The following RNLS variants were observed in gnomAD, a reference collection of about 807,000 sequenced individuals.
The protein encoded by RNLS is renalase.
In RNLS, 39 loss-of-function variants were observed where a neutral mutation model predicts 39.8. That is an observed-to-expected ratio of 0.98 (90% CI 0.76 to 1.28). The LOEUF is 1.28. RNLS is among the 50% of genes most tolerant of loss of function. The probability of loss-of-function intolerance (pLI) is 0.00; values close to 1 mark genes in which losing one functional copy is unlikely to be tolerated. For synonymous variants in RNLS, 147 were observed against 150.7 expected, an observed-to-expected ratio of 0.98 and a Z score of 0.18; for missense variants, 410 against 413.3, an observed-to-expected ratio of 0.99 and a Z score of 0.07.
At chr10:88,424,052 T>C (rs1206320565) in intron 4 of RNLS, among the ~76,000 whole-genome samples, 1 of 152,182 alleles carries the variant, frequency 6.6e-6, no homozygotes, top group Non-Finnish European at 1.5e-5. Context: ...CCCCCTGCCC[T>C]CCCTTACCCT....
chr10:88,420,517 C>G (rs1488308867), intron 4 of RNLS, among the ~76,000 whole-genome samples: 1 of 152,184 alleles, frequency 6.6e-6, no homozygotes, highest in African/African-American at 2.4e-5. Context: ...CTTCTAGTTT[C>G]AGATGGTTGC....
intron 4 of RNLS, among the ~76,000 whole-genome samples, chr10:88,454,885 T>G (rs1842543979): frequency 6.6e-6 from 1 of 152,174 alleles, no homozygotes; most frequent in Non-Finnish European, 1.5e-5. Context: ...CTGGACATAT[T>G]TCCTGAATTG....
At chr10:88,188,711 A>G in the RNLS span, among the ~76,000 whole-genome samples, 1 of 152,162 alleles carries the variant, frequency 6.6e-6, no homozygotes, top group South Asian at 2.1e-4. Context: ...GCTAGCTCCA[A>G]TTTCTAGGAG....
intron 4 of RNLS, among the ~76,000 whole-genome samples, chr10:88,507,513 C>T (rs890068355): frequency 1.8e-4 from 27 of 152,050 alleles, no homozygotes; most frequent in Non-Finnish European, 2.1e-4. Context: ...GACACTCTCC[C>T]CATATTTAAA....
At chr10:88,465,866 T>C (rs185113043) in intron 4 of RNLS, among the ~76,000 whole-genome samples, 26 of 152,192 alleles carry the variant, frequency 1.7e-4, no homozygotes, top group Admixed American at 1.5e-3. Flanking sequence ...AATAATTTAC[T>C]TCAATCAGTC....
At chr10:88,381,375 G>A (rs75725418) in intron 4 of RNLS, among the ~76,000 whole-genome samples, 1 of 150,462 alleles carries the variant, frequency 6.6e-6, no homozygotes, top group Non-Finnish European at 1.5e-5. Flanking sequence ...TAGGTAGTCT[G>A]TTGTTTTCGT....
chr10:88,308,650 G>C (rs1845119161), intron 6 of RNLS, among the ~76,000 whole-genome samples: 1 of 152,144 alleles, frequency 6.6e-6, no homozygotes, highest in Non-Finnish European at 1.5e-5. Flanking sequence ...GGAGAAAAAG[G>C]AGTGCTTACA....
At chr10:88,537,910 T>C (rs1045531129) in intron 4 of RNLS, among the ~76,000 whole-genome samples, 1 of 152,160 alleles carries the variant, frequency 6.6e-6, no homozygotes, top group African/African-American at 2.4e-5. Flanking sequence ...AAAAAGATAG[T>C]ATTGATGATG....
At chr10:88,424,779 A>ACCGTT (rs1854628529) in intron 4 of RNLS, among the ~76,000 whole-genome samples, 1 of 152,126 alleles carries the variant, frequency 6.6e-6, no homozygotes, top group African/African-American at 2.4e-5. Context: ...AGAGTAAGGA[A>ACCGTT]AATGCATAGG....
chr10:88,381,118 GATTTTAAGA>G (rs544835730), intron 4 of RNLS, among the ~76,000 whole-genome samples: 2 of 152,248 alleles, frequency 1.3e-5, no homozygotes, highest in South Asian at 4.1e-4. Flanking sequence ...TATCTTTGCA[GATTTTAAGA>G]ATTTCGTCTT....
chr10:88,400,099 G>T (rs981924663), intron 4 of RNLS, among the ~76,000 whole-genome samples: 1 of 151,906 alleles, frequency 6.6e-6, no homozygotes, highest in African/African-American at 2.4e-5. Flanking sequence ...GGGCCCACCT[G>T]GATGATCCAG....
chr10:88,312,236 G>A (rs951747033), intron 6 of RNLS, among the ~76,000 whole-genome samples: 2 of 152,214 alleles, frequency 1.3e-5, no homozygotes, highest in Non-Finnish European at 2.9e-5. Flanking sequence ...ACAAGGGTGA[G>A]GCAGAAGAAA....
chr10:88,556,027 C>T (rs1446040582), intron 4 of RNLS, among the ~76,000 whole-genome samples: 4 of 152,158 alleles, frequency 2.6e-5, no homozygotes, highest in Non-Finnish European at 1.5e-5. Context: ...AGTATTCCCA[C>T]TTGAATCTCT....
At chr10:88,471,765 C>A (rs1222027905) in intron 4 of RNLS, among the ~76,000 whole-genome samples, 1 of 152,074 alleles carries the variant, frequency 6.6e-6, no homozygotes, top group African/African-American at 2.4e-5. Context: ...TGGTCCCCTC[C>A]CCATGGAGTC....
the RNLS span, among the ~76,000 whole-genome samples, chr10:88,261,315 C>T: frequency 2.6e-5 from 4 of 152,176 alleles, no homozygotes; most frequent in African/African-American, 9.7e-5. Flanking sequence ...ACACCCTCTG[C>T]CCCCCACCAC....
chr10:88,208,015 C>A, the RNLS span, among the ~76,000 whole-genome samples: 1 of 152,174 alleles, frequency 6.6e-6, no homozygotes, highest in African/African-American at 2.4e-5. Context: ...ACAGCCCCTT[C>A]CTTTGAAGTT....
chr10:88,208,101 G>A, the RNLS span, among the ~76,000 whole-genome samples: 1 of 152,072 alleles, frequency 6.6e-6, no homozygotes. Context: ...TGTGCTTTCT[G>A]TCTCTCTATA....
intron 4 of RNLS, among the ~76,000 whole-genome samples, chr10:88,550,822 T>C (rs1360902743): frequency 6.6e-6 from 1 of 152,158 alleles, no homozygotes; most frequent in Non-Finnish European, 1.5e-5. Context: ...TCATTTTAGA[T>C]TGGATTTAGA....
intron 4 of RNLS, among the ~76,000 whole-genome samples, chr10:88,505,270 T>TA (rs1002292299): frequency 5.2e-4 from 73 of 141,638 alleles, no homozygotes; most frequent in African/African-American, 9.6e-4. Context: ...GGTTCTCAAT[T>TA]AAAAAAAAAA....
Sources: gnomAD v4.1 joint callset for allele counts (sites outside exome capture counted in the v4.1 genomes callset) on GRCh38, gnomAD v4.1.1 for gene constraint, MANE v1.5 for transcripts, NCBI Gene and HGNC (gene_info 2026-07-23, HGNC 2026-07-21) for gene names.